The following OR4N2 variants were observed in gnomAD, a reference collection of about 807,000 sequenced individuals.
The protein encoded by OR4N2 is olfactory receptor family 4 subfamily N member 2.
For missense variants in OR4N2, 307 were observed against 377.6 expected (o/e 0.81, Z 1.55); for synonymous variants, 141 against 140.4 (o/e 1.00, Z -0.03).
intron 1 of OR4N2, among the ~76,000 whole-genome samples, chr14:19,814,895 C>G (rs1879387120): frequency 6.6e-6 from 1 of 152,192 alleles, no homozygotes. Context: ...TTGTTCAACT[C>G]CCACTTAAGA....
At chr14:19,812,490 G>A (rs1322001506) in intron 1 of OR4N2, among the ~76,000 whole-genome samples, 3 of 151,400 alleles carry the variant, frequency 2.0e-5, no homozygotes, top group South Asian at 2.1e-4. Context: ...CCACCAAGCC[G>A]AGATAATTTT....
chr14:19,827,060 C>T (rs1008991460), intron 1 of OR4N2, among the ~76,000 whole-genome samples: 4 of 152,228 alleles, frequency 2.6e-5, no homozygotes, highest in African/African-American at 7.2e-5. Context: ...AGCTAACCCT[C>T]AAGCATAGTA....
At chr14:19,811,448 G>A (rs1378577852) in intron 1 of OR4N2, among the ~76,000 whole-genome samples, 5 of 152,166 alleles carry the variant, frequency 3.3e-5, no homozygotes, top group African/African-American at 7.2e-5. Context: ...GGGTTTCACC[G>A]TGTTAGCCAG....
intron 1 of OR4N2, among the ~76,000 whole-genome samples, chr14:19,808,562 A>G (rs947849902): frequency 1.3e-5 from 2 of 152,214 alleles, no homozygotes; most frequent in Non-Finnish European, 2.9e-5. Flanking sequence ...CACTGCTGAC[A>G]GAAATCAGAG....
At chr14:19,823,506 C>T (rs1357009016) in intron 1 of OR4N2, among the ~76,000 whole-genome samples, 2 of 152,342 alleles carry the variant, frequency 1.3e-5, no homozygotes, top group African/African-American at 4.8e-5. Flanking sequence ...ACATTTCTCA[C>T]TCTTGTTGGG....
chr14:19,808,735 AG>A (rs1375288300), intron 1 of OR4N2, among the ~76,000 whole-genome samples: 7 of 152,214 alleles, frequency 4.6e-5, no homozygotes, highest in Non-Finnish European at 7.4e-5. Context: ...AAATTCATAC[AG>A]AGCCAAAAAA....
At chr14:19,815,241 C>G (rs200476011) in intron 1 of OR4N2, among the ~76,000 whole-genome samples, 1 of 152,258 alleles carries the variant, frequency 6.6e-6, no homozygotes, top group Non-Finnish European at 1.5e-5. Flanking sequence ...CTTGAGGAAT[C>G]GCTACACTGT....
intron 1 of OR4N2, among the ~76,000 whole-genome samples, chr14:19,820,931 G>T (rs1879549677): frequency 1.3e-5 from 2 of 152,216 alleles, no homozygotes; most frequent in Admixed American, 6.5e-5. Context: ...ATTTCCAGGG[G>T]AGTGAATAGT....
intron 1 of OR4N2, among the ~76,000 whole-genome samples, 158 bp from the exon 2 acceptor site, chr14:19,827,282 A>C (rs1436562800): frequency 6.6e-6 from 1 of 152,256 alleles, no homozygotes; most frequent in Non-Finnish European, 1.5e-5. Flanking sequence ...AAATTTGGAG[A>C]AATTAAGGTA....
intron 1 of OR4N2, among the ~76,000 whole-genome samples, chr14:19,808,066 A>G (rs1327218745): frequency 6.6e-6 from 1 of 152,098 alleles, no homozygotes; most frequent in East Asian, 1.9e-4. Flanking sequence ...AACAGACTAG[A>G]TTTTGAAGGA....
At chr14:19,811,628 A>G (rs1438641923) in intron 1 of OR4N2, among the ~76,000 whole-genome samples, 1 of 152,280 alleles carries the variant, frequency 6.6e-6, no homozygotes, top group Non-Finnish European at 1.5e-5. Flanking sequence ...ATTTATCCCA[A>G]AAACGATAGT....
intron 1 of OR4N2, among the ~76,000 whole-genome samples, chr14:19,810,605 T>G (rs910221075): frequency 6.6e-6 from 1 of 152,162 alleles, no homozygotes; most frequent in South Asian, 2.1e-4. Flanking sequence ...ATAAAGAAAA[T>G]GTGGTACATA....
chr14:19,820,323 C>T (rs1408437028), intron 1 of OR4N2, among the ~76,000 whole-genome samples: 1 of 152,264 alleles, frequency 6.6e-6, no homozygotes, highest in African/African-American at 2.4e-5. Flanking sequence ...TTGTCTTCTG[C>T]TAGCTTTTGA....
At chr14:19,824,664 A>G (rs554615413) in intron 1 of OR4N2, among the ~76,000 whole-genome samples, 1 of 152,326 alleles carries the variant, frequency 6.6e-6, no homozygotes, top group East Asian at 1.9e-4. Context: ...TCTCCTCCTC[A>G]GCCTACTCAG....
At chr14:19,820,893 G>T (rs1879548976) in intron 1 of OR4N2, among the ~76,000 whole-genome samples, 1 of 152,236 alleles carries the variant, frequency 6.6e-6, no homozygotes, top group Non-Finnish European at 1.5e-5. Context: ...CACTGAGATA[G>T]ACCACTTGAA....
intron 1 of OR4N2, among the ~76,000 whole-genome samples, chr14:19,821,525 C>T (rs1487198416): frequency 6.6e-6 from 1 of 152,196 alleles, no homozygotes; most frequent in Non-Finnish European, 1.5e-5. Context: ...AATAATCTCT[C>T]ATCATTTATT....
chr14:19,812,403 C>T (rs1879323280), intron 1 of OR4N2, among the ~76,000 whole-genome samples: 1 of 146,096 alleles, frequency 6.8e-6, no homozygotes, highest in South Asian at 2.1e-4. Context: ...AATCTCGGCT[C>T]ACTGCAAACT....
At position 19,827,954 on chromosome 14, in the gene OR4N2, G is replaced by A; in HGVS notation, c.506G>A (p.Cys169Tyr). The change falls in exon 2 of 2, where the codon TGT (cysteine) becomes TAT (tyrosine). Residue 169 changes from cysteine to tyrosine, a missense_variant. Coordinates refer to ENST00000557677, the MANE Select transcript of OR4N2 (RefSeq NM_001004723.3). The stretch of plus-strand genomic sequence containing the variant: ...GTCCTCATCCTCCGCTTGCCTTTTT[G>A]TGGCCCAAACCAGCTGGACAACTTC... ...QVVLILRLPF[C>Y]GPNQLDNFFC... 6.2e-7 allele frequency: 1 copy of A among 1,614,130 alleles called. No individual in the cohort carries two copies. The highest frequency in any genetic ancestry group is 8.5e-7 in the Non-Finnish European group (1 of 1,180,020).
At chr14:19,805,984 T>G (rs999025070) in intron 1 of OR4N2, among the ~76,000 whole-genome samples, 1 of 152,172 alleles carries the variant, frequency 6.6e-6, no homozygotes, top group Non-Finnish European at 1.5e-5. Context: ...CTTAGCTTCA[T>G]AAGTGAAGGA....
Sources: allele counts gnomAD v4.1 joint callset (sites outside exome capture counted in the v4.1 genomes callset), GRCh38; gene constraint gnomAD v4.1.1; transcripts MANE v1.5; gene names NCBI Gene and HGNC (gene_info 2026-07-23, HGNC 2026-07-21).